The following MAP3K3 variants were observed in gnomAD, a reference collection of about 807,000 sequenced individuals.
The protein encoded by MAP3K3 is MAP/ERK kinase kinase 3.
MAP3K3 carries 12 observed loss-of-function variants against 80.9 expected under a neutral mutation model. The ratio of observed to expected loss-of-function variants is 0.15; its 90% CI spans 0.10 to 0.24. MAP3K3 has a LOEUF of 0.24. MAP3K3 is among the 10% of genes least tolerant of loss of function. The pLI is 1.00. For missense variants in MAP3K3, 596 were observed against 834.7 expected (o/e 0.71, Z 3.52); for synonymous variants, 272 against 307.1 (o/e 0.89, Z 1.19).
At chr17:63,669,591 G>A (rs2035064036) in intron 6 of MAP3K3, among the ~76,000 whole-genome samples, 1 of 151,640 alleles carries the variant, frequency 6.6e-6, no homozygotes, top group Non-Finnish European at 1.5e-5. Context: ...GCCTCAGCCT[G>A]TTACAGGTGC....
chr17:63,692,456 C>A lies in MAP3K3; in HGVS notation c.1652+37C>A, dbSNP rs372374104. 1 of 1,565,106 alleles carries A rather than the reference C, an allele frequency of 6.4e-7. No individual in the cohort carries two copies. On this transcript the variant is annotated intron_variant, in intron 15 of 15. Coordinates refer to ENST00000361733, the MANE Select transcript of MAP3K3 (RefSeq NM_002401.5). This position sits in a 1 kb window ranked among gnomAD's most constrained non-coding sequence, Gnocchi z 4.5. ...GACATGCAGAACCCATTCTTCCACC[C>A]AGGCCATAGTGGCCCCCCATTAGAA...
At position 63,694,015 on chromosome 17, in the gene MAP3K3, A is replaced by G. The variant is rs1162916822; in HGVS notation, c.*238A>G. ...CCAGGAGCTCCAGTGTCCTGAGCTC[A>G]GCGTGGAGGGGTAGGGGCTGGGAAC... is the stretch of plus-strand genomic sequence containing the variant. On this transcript the variant is annotated 3_prime_UTR_variant, in exon 16 of 16. Transcript: ENST00000361733. 2.1e-6 allele frequency: 1 copy of G among 487,680 alleles called. No homozygotes were observed. The highest frequency in any genetic ancestry group is 3.6e-6 in the Non-Finnish European group (1 of 276,630). 30.2% of individuals were successfully genotyped at this position (487,680 alleles called of 1,614,324 possible).
At chr17:63,686,271 T>G (rs975858489) in intron 8 of MAP3K3, among the ~76,000 whole-genome samples, 1 of 152,218 alleles carries the variant, frequency 6.6e-6, no homozygotes, top group African/African-American at 2.4e-5. Flanking sequence ...TTTGTGTAAC[T>G]GATTAATTGT....
In MAP3K3 at chr17:63,625,425, G is replaced by A. The variant is rs112090815; in HGVS notation, c.4+2662G>A. On this transcript the variant is annotated intron_variant, in intron 1 of 15. Coordinates refer to ENST00000361733, the MANE Select transcript of MAP3K3 (RefSeq NM_002401.5). The stretch of plus-strand genomic sequence containing the variant: ...GTTCATAATACCTGAGATTGTTTAT[G>A]TGGTCTTTTTATAAACGCAGTCTGA... 9.2e-3 allele frequency among the ~76,000 whole-genome samples: 1,394 copies of A among 152,246 alleles called. 23 individuals carry two copies. The highest frequency in any genetic ancestry group is 0.031 in the African/African-American group (1,304 of 41,534).
intron 2 of MAP3K3, chr17:63,636,812 A>T (rs533641052): frequency 2.4e-5 from 8 of 334,616 alleles, no homozygotes; most frequent in Admixed American, 2.3e-4. Context: ...CTGAGGTGGT[A>T]TGTGGAGAAG....
chr17:63,655,448 A>G (rs376855532), intron 4 of MAP3K3, among the ~76,000 whole-genome samples: 31 of 152,286 alleles, frequency 2.0e-4, no homozygotes, highest in Middle Eastern at 3.4e-3. Context: ...TCTTCTTTTA[A>G]TAGCCATCCT....
chr17:63,623,278 A>C (rs2034031750), intron 1 of MAP3K3, among the ~76,000 whole-genome samples: 1 of 152,050 alleles, frequency 6.6e-6, no homozygotes, highest in Non-Finnish European at 1.5e-5. Context: ...TGCGCGCCCC[A>C]GCGCAGGGGG....
chr17:63,629,110 T>G (rs372513019), intron 1 of MAP3K3, among the ~76,000 whole-genome samples: 38 of 152,206 alleles, frequency 2.5e-4, no homozygotes, highest in African/African-American at 9.1e-4. Flanking sequence ...TGCTTCAGTC[T>G]AAGAAAGTTG....
rs1341892799 is a variant in MAP3K3 at position 63,671,331 on chromosome 17, C to CGGAGGTG, written c.502+4271_502+4272insGGAGGTG. Among the ~76,000 whole-genome samples, 4 of 150,878 alleles carry CGGAGGTG rather than the reference C, an allele frequency of 2.7e-5. No homozygotes were observed. In the East Asian group the frequency reaches 7.8e-4, roughly 29 times the overall value. On this transcript the variant is annotated intron_variant, in intron 6 of 15. Coordinates refer to ENST00000361733, the MANE Select transcript of MAP3K3 (RefSeq NM_002401.5). ...AGTGCAGTGGTGTGATCTCGGCTCA[C>CGGAGGTG]TGCAACCTCCGCCTCCCGGGTTCAA... is the stretch of plus-strand genomic sequence containing the variant.
chr17:63,664,450 C>T (rs2034960918), intron 5 of MAP3K3, among the ~76,000 whole-genome samples: 2 of 152,068 alleles, frequency 1.3e-5, no homozygotes, highest in Admixed American at 1.3e-4. Context: ...ACCTTACATT[C>T]CCATGTAACA....
chr17:63,644,684 G>T (rs1837357309), intron 2 of MAP3K3, among the ~76,000 whole-genome samples: 1 of 152,180 alleles, frequency 6.6e-6, no homozygotes, highest in African/African-American at 2.4e-5. Flanking sequence ...TGGAAGAGAA[G>T]TCTAGTCCCT....
chr17:63,640,105 A>C (rs986464511), intron 2 of MAP3K3, among the ~76,000 whole-genome samples: 2 of 152,204 alleles, frequency 1.3e-5, no homozygotes, highest in African/African-American at 4.8e-5. Flanking sequence ...GGAGCACAGC[A>C]GTACCAATGT....
chr17:63,693,657 G>A lies in MAP3K3; in HGVS notation c.1761G>A (p.Gln587=). ...TTGCCACCCAGCCCACCAATCCTCA[G>A]CTGCCCTCCCACATCTCTGAACATG... ...FKIATQPTNP[Q]LPSHISEHGR... The change falls in exon 16 of 16, where the codon CAG becomes CAA. Residue 587 remains glutamine, a synonymous_variant. Coordinates refer to ENST00000361733, the MANE Select transcript of MAP3K3 (RefSeq NM_002401.5). This position sits in a 1 kb window ranked among gnomAD's most constrained non-coding sequence, Gnocchi z 4.2. The A allele has an allele frequency of 6.2e-7, 1 of 1,609,676 alleles. No homozygotes were observed. Among genetic ancestry groups the A allele is most frequent in the Non-Finnish European group, 8.5e-7 (1 of 1,177,100 alleles).
intron 6 of MAP3K3, among the ~76,000 whole-genome samples, chr17:63,676,247 T>A (rs1243350630): frequency 6.6e-6 from 1 of 152,184 alleles, no homozygotes; most frequent in African/African-American, 2.4e-5. Context: ...ACCTTTGCTA[T>A]TTTTCCCCCC....
chr17:63,675,742 C>T (rs551830133), intron 6 of MAP3K3, among the ~76,000 whole-genome samples: 17 of 152,272 alleles, frequency 1.1e-4, no homozygotes, highest in African/African-American at 3.9e-4. Context: ...GCACAGGTGG[C>T]GCAGTGAGGC....
Position 63,694,056 on chromosome 17 carries a change from C to T in MAP3K3, c.*279C>T, listed in dbSNP as rs1390767760. On this transcript the variant is annotated 3_prime_UTR_variant, in exon 16 of 16. Coordinates refer to ENST00000361733, the MANE Select transcript of MAP3K3 (RefSeq NM_002401.5). Reference sequence around the variant, plus strand: ...GGCTGGGAACAGTGTGCAAGGCAGCCGTGGGCCCCACCCTCGGGGATGTGT... The same window carrying T: ...GGCTGGGAACAGTGTGCAAGGCAGCTGTGGGCCCCACCCTCGGGGATGTGT... 2.6e-5 allele frequency: 10 copies of T among 381,886 alleles called. No individual in the cohort carries two copies. The highest frequency in any genetic ancestry group is 1.4e-4 in the East Asian group (3 of 21,594). The allele number at this position is 381,886 out of a possible 1,614,324, so 23.7% of individuals were successfully genotyped here. A position where few individuals can be genotyped will look rare whatever the true frequency, so the allele number is the denominator to read the frequency against.
intron 7 of MAP3K3, among the ~76,000 whole-genome samples, chr17:63,684,773 G>A (rs1365785167): frequency 6.6e-6 from 1 of 152,152 alleles, no homozygotes; most frequent in Non-Finnish European, 1.5e-5. Context: ...TTACAGGCAT[G>A]AGCCACCAAG....
rs761905810 is a variant in MAP3K3, at chr17:63,691,960, T to C, written c.1474+98T>C. The C allele has an allele frequency of 1.3e-5, 18 of 1,384,388 alleles. No individual in the cohort carries two copies. The highest frequency in any genetic ancestry group is 1.8e-5 in the Non-Finnish European group (18 of 1,001,522). 85.8% of individuals were successfully genotyped at this position (1,384,388 alleles called of 1,614,324 possible). A position where few individuals can be genotyped will look rare whatever the true frequency, so the allele number is the denominator to read the frequency against. On this transcript the variant is annotated intron_variant, in intron 14 of 15. Transcript: ENST00000361733. The surrounding 1 kb of genome is among the most constrained non-coding windows in gnomAD (Gnocchi z 4.8). The stretch of plus-strand genomic sequence containing the variant: ...AATCACTTAACCATTCTGAACTTTC[T>C]GAAAAGTGGGACCCCAGTTGTTTCC...
intron 1 of MAP3K3, 117 bp from the exon 2 acceptor site, chr17:63,632,564 A>G: frequency 8.8e-7 from 1 of 1,140,586 alleles, no homozygotes; most frequent in Non-Finnish European, 1.3e-6. Flanking sequence ...GATTATAGTT[A>G]CAGGGTCTGT....
Sources: allele counts gnomAD v4.1 joint callset (sites outside exome capture counted in the v4.1 genomes callset), GRCh38; gene constraint gnomAD v4.1.1; non-coding constraint Gnocchi (gnomAD v3.1); transcripts MANE v1.5; gene names NCBI Gene and HGNC (gene_info 2026-07-23, HGNC 2026-07-21).